The following CCDC88A variants were observed in gnomAD, a reference collection of about 807,000 sequenced individuals.
CCDC88A encodes coiled-coil and HOOK domain protein 88A, also known as girdin.
A neutral mutation model predicts 234.3 loss-of-function variants in CCDC88A; 54 were observed. The ratio of observed to expected loss-of-function variants is 0.23; its 90% CI spans 0.19 to 0.29. The LOEUF (loss-of-function observed/expected upper bound fraction) is 0.29, where lower values mean the gene tolerates loss of function less well. Among genes scored for constraint, CCDC88A ranks in the 10% least tolerant of loss-of-function variants. The pLI is 1.00. For synonymous variants in CCDC88A, 753 were observed against 737.8 expected, an observed-to-expected ratio of 1.02 and a Z score of -0.33; for missense variants, 1,832 against 2,123.4, an observed-to-expected ratio of 0.86 and a Z score of 2.70.
In CCDC88A at chr2:55,301,052, A is replaced by G. The variant is rs1321416172; in HGVS notation, c.4744+154T>C. On this transcript the variant is annotated intron_variant, in intron 28 of 32. Coordinates refer to ENST00000436346, the MANE Select transcript of CCDC88A (RefSeq NM_001365480.1). ...TATCTTAAAAGAGGCAGAAGGGAGTATTAGGTTTGAAGAAATGGTAGAGGT... is the reference window on the plus strand; with the variant it reads ...TATCTTAAAAGAGGCAGAAGGGAGTGTTAGGTTTGAAGAAATGGTAGAGGT... The G allele has an allele frequency of 5.1e-6, 3 of 593,244 alleles. No individual in the cohort carries two copies. In the African/African-American group the frequency reaches 5.9e-5, roughly 12 times the overall value. The allele number at this position is 593,244 out of a possible 1,614,324, so 36.7% of individuals were successfully genotyped here. A position where few individuals can be genotyped will look rare whatever the true frequency, so the allele number is the denominator to read the frequency against.
intron 7 of CCDC88A, among the ~76,000 whole-genome samples, chr2:55,360,251 T>G (rs1332126882): frequency 6.6e-6 from 1 of 152,128 alleles, no homozygotes; most frequent in Non-Finnish European, 1.5e-5. Flanking sequence ...AAATATATAC[T>G]TTTTAGACTG....
In CCDC88A at chr2:55,419,191, G is replaced by GA; in HGVS notation, c.-113dup. 1 of 693,190 alleles carries GA rather than the reference G, an allele frequency of 1.4e-6. No homozygotes were observed. The highest frequency in any genetic ancestry group is 2.7e-5 in the East Asian group (1 of 37,038). The allele number at this position is 693,190 out of a possible 1,614,324, so 42.9% of individuals were successfully genotyped here. ...AATGAAAGTCCATTTCGGCAAGGGAGAAAAATCCCATCGTGGAGGAGGGGG... is the reference window on the plus strand; with the variant it reads ...AATGAAAGTCCATTTCGGCAAGGGAGAAAAAATCCCATCGTGGAGGAGGGGG... On this transcript the variant is annotated 5_prime_UTR_variant, in exon 1 of 33. The change abolishes the stop of an existing upstream ORF in the 5' untranslated region. Coordinates refer to ENST00000436346, the MANE Select transcript of CCDC88A (RefSeq NM_001365480.1).
chr2:55,326,652 T>A (rs6715991), intron 17 of CCDC88A, among the ~76,000 whole-genome samples: 102 of 152,150 alleles, frequency 6.7e-4, no homozygotes, highest in African/African-American at 2.3e-3. Context: ...AACCTCTACC[T>A]CCTGGATTCA....
At chr2:55,336,633 C>T in intron 14 of CCDC88A, 48 bp downstream of exon 14, 3 of 1,188,140 alleles carry the variant, frequency 2.5e-6, no homozygotes, top group Middle Eastern at 2.3e-4. Flanking sequence ...ATAACTTTTG[C>T]TAATAAATTT....
In CCDC88A at chr2:55,419,523, A is replaced by T; in HGVS notation, c.-444T>A. On this transcript the variant is annotated 5_prime_UTR_variant, in exon 1 of 33. Coordinates refer to ENST00000436346, the MANE Select transcript of CCDC88A (RefSeq NM_001365480.1). ...ACCACGTTAAGGATACCGAGGCGCC[A>T]CCAGACTCGACCTCGGCGTTCCGAC... 2 of 133,762 alleles carry T rather than the reference A, an allele frequency of 1.5e-5. No individual in the cohort carries two copies. The highest frequency in any genetic ancestry group is 1.7e-5 in the Non-Finnish European group (1 of 60,026). The allele number at this position is 133,762 out of a possible 1,614,324, so 8.3% of individuals were successfully genotyped here.
intron 25 of CCDC88A, chr2:55,308,351 C>CA (rs1421777147): frequency 6.5e-6 from 1 of 153,112 alleles, no homozygotes; most frequent in Non-Finnish European, 1.5e-5. Flanking sequence ...TTTGCTTCCC[C>CA]AAATGTAACT....
intron 25 of CCDC88A, 108 bp from the exon 26 acceptor site, chr2:55,303,260 G>C: frequency 1.4e-6 from 1 of 729,698 alleles, no homozygotes; most frequent in South Asian, 1.5e-5. Context: ...ATGAATGTTT[G>C]AGTTTTAGCT....
intron 12 of CCDC88A, 92 bp from the exon 13 acceptor site, chr2:55,339,740 T>C (rs1668245007): frequency 5.6e-6 from 5 of 888,494 alleles, no homozygotes; most frequent in South Asian, 2.1e-5. Context: ...TGTATATGCA[T>C]TGCATCATCT....
At chr2:55,347,108 GAAGTA>G (rs1298545708) in intron 9 of CCDC88A, among the ~76,000 whole-genome samples, 4 of 152,086 alleles carry the variant, frequency 2.6e-5, no homozygotes, top group Non-Finnish European at 5.9e-5. Context: ...TTACTGTATA[GAAGTA>G]AAGTTTCTAT....
Position 55,316,042 on chromosome 2 carries a change from A to T in CCDC88A, c.3819T>A (p.Ser1273Arg). Reference protein sequence around the residue: ...VLQTDHKNLKSLLNNSKLEQT... With the variant: ...VLQTDHKNLKRLLNNSKLEQT... ...GTTCCAGTTTGGAATTATTCAGAAG[A>T]CTTTTCAAATTTTTATGGTCAGTTT... The change falls in exon 22 of 33, where the codon AGT becomes AGA. Residue 1273 changes from serine (S) to arginine (R), a missense_variant. By Grantham distance (110) the Ser-to-Arg change is moderately radical. Around this residue, in one of 6 missense-constraint regions of CCDC88A, gnomAD observed 1,282 missense variants for 1,543.6 expected, o/e 0.83. Coordinates refer to ENST00000436346, the MANE Select transcript of CCDC88A (RefSeq NM_001365480.1). 1.3e-6 allele frequency: 2 copies of T among 1,589,906 alleles called. No homozygotes were observed. Among genetic ancestry groups the T allele is most frequent in the South Asian group, 1.1e-5 (1 of 87,982 alleles).
At chr2:55,416,425 CAAATAAATAAATAAAT>C (rs58743440) in intron 2 of CCDC88A, among the ~76,000 whole-genome samples, 4,416 of 43,752 alleles carry the variant, frequency 0.1, 860 homozygotes, top group East Asian at 0.24. Context: ...GTGAAGAGGT[CAAATAAATAAATAAAT>C]AAATATATAT....
intron 2 of CCDC88A, among the ~76,000 whole-genome samples, chr2:55,415,514 AAG>A (rs1199125980): frequency 2.0e-5 from 3 of 152,176 alleles, no homozygotes; most frequent in African/African-American, 7.2e-5. Context: ...ATGGCCTTGA[AAG>A]AGTTTCCAGG....
In CCDC88A at chr2:55,317,180, TG is replaced by T; in HGVS notation, c.3746+25del. 2 of 1,027,552 alleles carry T rather than the reference TG, an allele frequency of 1.9e-6. No individual in the cohort carries two copies. The highest frequency in any genetic ancestry group is 6.1e-5 in the East Asian group (2 of 33,000). The allele number at this position is 1,027,552 out of a possible 1,614,324, so 63.7% of individuals were successfully genotyped here. The stretch of plus-strand genomic sequence containing the variant: ...GTATATACTTTCTATATAAAATGTT[TG>T]TTATATATAATATATATTTATTACC... On this transcript the variant is annotated intron_variant, in intron 21 of 32. Coordinates refer to ENST00000436346, the MANE Select transcript of CCDC88A (RefSeq NM_001365480.1). This position sits in a 1 kb window ranked among gnomAD's most constrained non-coding sequence, Gnocchi z 4.2.
chr2:55,398,525 CAT>C (rs1331124884), intron 2 of CCDC88A, among the ~76,000 whole-genome samples: 20 of 152,246 alleles, frequency 1.3e-4, no homozygotes, highest in Admixed American at 3.9e-4. Context: ...CATACTGACA[CAT>C]GTTAGGATCA....
At chr2:55,300,065 C>A in intron 28 of CCDC88A, 146 bp from the exon 29 acceptor site, 1 of 611,690 alleles carries the variant, frequency 1.6e-6, no homozygotes, top group Non-Finnish European at 2.9e-6. Flanking sequence ...AAGCAAATTT[C>A]CAGATAGTTC....
chr2:55,418,291 T>C (rs1681804477), intron 2 of CCDC88A: 1 of 153,412 alleles, frequency 6.5e-6, no homozygotes, highest in South Asian at 2.0e-4. Flanking sequence ...AGGCTTTAGT[T>C]ATTACAGGCA....
intron 17 of CCDC88A, among the ~76,000 whole-genome samples, chr2:55,327,373 G>A (rs747783889): frequency 5.3e-5 from 8 of 152,154 alleles, no homozygotes; most frequent in Non-Finnish European, 7.4e-5. Context: ...TGTGGGAATC[G>A]TAAATCCATA....
intron 3 of CCDC88A, among the ~76,000 whole-genome samples, chr2:55,377,194 C>CTTTTTT (rs11443883): frequency 8.7e-6 from 1 of 115,020 alleles, no homozygotes; most frequent in Non-Finnish European, 1.7e-5. Flanking sequence ...TCACTATAGA[C>CTTTTTT]TTTTTTTTTT....
rs561684730 is a variant in CCDC88A at position 55,348,184 on chromosome 2, T to G, written c.882+1334A>C. ...TTTGTCACGTTGCCCAGGCAGGTCT[T>G]TAACTCCTGGGCTCAAGCAACCCAC... On this transcript the variant is annotated intron_variant, in intron 9 of 32. Transcript: ENST00000436346. Among the ~76,000 whole-genome samples, 6 of 152,298 alleles carry G rather than the reference T, an allele frequency of 3.9e-5. No homozygotes were observed. In the South Asian group the frequency reaches 1.2e-3, roughly 32 times the overall value.
Sources: gnomAD v4.1 joint callset for allele counts (sites outside exome capture counted in the v4.1 genomes callset) on GRCh38, gnomAD v4.1.1 for gene constraint, gnomAD v4.1.1 regional missense constraint, Gnocchi (gnomAD v3.1) non-coding constraint, MANE v1.5 for transcripts, NCBI Gene and HGNC (gene_info 2026-07-23, HGNC 2026-07-21) for gene names.